The following RNF220 variants were observed in gnomAD, a reference collection of about 807,000 sequenced individuals.
RNF220 encodes ring finger protein 220, also known as E3 ubiquitin-protein ligase RNF220.
A neutral mutation model predicts 67.1 loss-of-function variants in RNF220; 7 were observed. That is an observed-to-expected ratio of 0.10 (90% CI 0.06 to 0.20). The LOEUF (loss-of-function observed/expected upper bound fraction) is 0.20, where lower values mean the gene tolerates loss of function less well. Among genes scored for constraint, RNF220 ranks in the 10% least tolerant of loss-of-function variants. The pLI, the probability that RNF220 is intolerant of heterozygous loss-of-function variation, is 1.00. For missense variants in RNF220, 565 were observed against 740.3 expected (o/e 0.76, Z 2.75); for synonymous variants, 270 against 283.2 (o/e 0.95, Z 0.47).
chr1:44,430,636 C>A (rs538109954), intron 2 of RNF220, among the ~76,000 whole-genome samples: 7 of 152,216 alleles, frequency 4.6e-5, no homozygotes, highest in Admixed American at 6.5e-5. Context: ...ACCTCCGCCT[C>A]CTGGGTTCAA....
chr1:44,576,002 G>A (rs1664778855), intron 2 of RNF220, among the ~76,000 whole-genome samples: 1 of 152,238 alleles, frequency 6.6e-6, no homozygotes. Context: ...GCAACTGCCA[G>A]TCTAGCCACT....
chr1:44,422,275 AG>A (rs1410789454), intron 2 of RNF220, among the ~76,000 whole-genome samples: 7 of 152,222 alleles, frequency 4.6e-5, no homozygotes, highest in Non-Finnish European at 1.0e-4. Context: ...TGCTCGGCTG[AG>A]GAATCAGCAG....
At chr1:44,573,397 G>T (rs989719620) in intron 2 of RNF220, among the ~76,000 whole-genome samples, 2 of 152,182 alleles carry the variant, frequency 1.3e-5, no homozygotes, top group African/African-American at 4.8e-5. Flanking sequence ...CAGCCCAGGG[G>T]TTATGACTGA....
chr1:44,632,448 C>A, intron 6 of RNF220, 63 bp downstream of exon 6: 1 of 1,407,934 alleles, frequency 7.1e-7, no homozygotes, highest in Non-Finnish European at 9.6e-7. Flanking sequence ...TCCCTCACTG[C>A]CTGCCGCTCC....
At chr1:44,471,969 C>T (rs1260496235) in intron 2 of RNF220, among the ~76,000 whole-genome samples, 2 of 152,150 alleles carry the variant, frequency 1.3e-5, no homozygotes, top group African/African-American at 4.8e-5. Flanking sequence ...AATCATAAAA[C>T]CTGTGGCCTT....
intron 2 of RNF220, among the ~76,000 whole-genome samples, chr1:44,497,793 G>T (rs1657477579): frequency 6.6e-6 from 1 of 152,158 alleles, no homozygotes; most frequent in African/African-American, 2.4e-5. Flanking sequence ...CTACTATACT[G>T]CTGCAAGCAC....
At chr1:44,424,169 G>T (rs1216576487) in intron 2 of RNF220, 7 of 245,138 alleles carry the variant, frequency 2.9e-5, no homozygotes, top group Non-Finnish European at 4.6e-5. Context: ...ATATGAAAAA[G>T]AAATGATAAT....
chr1:44,437,178 C>A (rs1370966431), intron 2 of RNF220, among the ~76,000 whole-genome samples: 1 of 152,160 alleles, frequency 6.6e-6, no homozygotes, highest in Non-Finnish European at 1.5e-5. Context: ...GCAAACCAAC[C>A]AATGCGGTAG....
chr1:44,635,470 C>G, intron 6 of RNF220, 75 bp from the exon 7 acceptor site: 1 of 1,571,028 alleles, frequency 6.4e-7, no homozygotes, highest in Non-Finnish European at 8.7e-7. Flanking sequence ...CAGGATGTGT[C>G]AGCTCCACTG....
intron 2 of RNF220, among the ~76,000 whole-genome samples, chr1:44,548,707 G>A (rs1662373334): frequency 6.6e-6 from 1 of 152,000 alleles, no homozygotes; most frequent in Non-Finnish European, 1.5e-5. Flanking sequence ...GCCCAGGCTG[G>A]TCTCGAACTC....
intron 2 of RNF220, among the ~76,000 whole-genome samples, chr1:44,436,190 A>G (rs934690826): frequency 1.3e-5 from 2 of 151,860 alleles, no homozygotes; most frequent in Non-Finnish European, 2.9e-5. Context: ...TCGATTAAGG[A>G]TGTAATCATA....
intron 1 of RNF220, among the ~76,000 whole-genome samples, chr1:44,406,543 A>G (rs77924537): frequency 0.11 from 16,395 of 152,278 alleles, 1,262 homozygotes; most frequent in African/African-American, 0.22. Flanking sequence ...CTTCTGACTT[A>G]AGAACAAAAC....
intron 8 of RNF220, among the ~76,000 whole-genome samples, chr1:44,640,880 A>C: frequency 6.6e-6 from 1 of 152,094 alleles, no homozygotes; most frequent in East Asian, 1.9e-4. Flanking sequence ...GAGGGCCCCG[A>C]GACGTTTCCT....
chr1:44,582,519 G>A (rs141179033), intron 2 of RNF220, among the ~76,000 whole-genome samples: 59 of 152,312 alleles, frequency 3.9e-4, no homozygotes, highest in African/African-American at 1.3e-3. Context: ...CACGTTGGGA[G>A]GCCGAGGCAG....
chr1:44,550,444 T>C (rs1031349393), intron 2 of RNF220, among the ~76,000 whole-genome samples: 3 of 152,146 alleles, frequency 2.0e-5, no homozygotes, highest in African/African-American at 7.2e-5. Context: ...CTGGACAGCA[T>C]TCAGTTCCCT....
intron 3 of RNF220, among the ~76,000 whole-genome samples, chr1:44,615,627 G>A (rs1009692331): frequency 2.6e-5 from 4 of 152,074 alleles, no homozygotes; most frequent in African/African-American, 9.7e-5. Context: ...CATGAGGGTA[G>A]GGAGGGTCAG....
chr1:44,531,042 ATTTACG>A (rs1361130203), intron 2 of RNF220, among the ~76,000 whole-genome samples: 2 of 152,196 alleles, frequency 1.3e-5, no homozygotes, highest in East Asian at 1.9e-4. Context: ...GACATTAGAG[ATTTACG>A]TTTAGGGATT....
intron 2 of RNF220, among the ~76,000 whole-genome samples, chr1:44,551,401 C>T (rs1443897377): frequency 9.2e-6 from 1 of 108,280 alleles, no homozygotes; most frequent in Non-Finnish European, 2.1e-5. Flanking sequence ...AGGCGTGAGC[C>T]ACCGTGCCCG....
intron 12 of RNF220, among the ~76,000 whole-genome samples, chr1:44,647,755 C>T (rs1207417561): frequency 6.6e-6 from 1 of 152,198 alleles, no homozygotes; most frequent in African/African-American, 2.4e-5. Flanking sequence ...GACAGGCCAC[C>T]TGTAAGCTCT....
Sources: allele counts gnomAD v4.1 joint callset (sites outside exome capture counted in the v4.1 genomes callset), GRCh38; gene constraint gnomAD v4.1.1; transcripts MANE v1.5; gene names NCBI Gene and HGNC (gene_info 2026-07-23, HGNC 2026-07-21).